Variants in ACACA observed in about 807,000 individuals in gnomAD.
ACACA encodes the protein acetyl-CoA carboxylase 1.
A neutral mutation model predicts 296.1 loss-of-function variants in ACACA; 103 were observed. The observed-to-expected ratio is 0.35, with a 90% CI of 0.30 to 0.41. The LOEUF is 0.41. Ranked by LOEUF, ACACA falls within the 10% of genes least tolerant of loss-of-function variation. The pLI is 1.00. For missense variants in ACACA, 1,554 were observed against 2,989.7 expected (o/e 0.52, Z 11.20); for synonymous variants, 953 against 1,038.6 (o/e 0.92, Z 1.58).
At chr17:37,315,905 C>G (rs1035538002) in intron 3 of ACACA, among the ~76,000 whole-genome samples, 2 of 152,108 alleles carry the variant, frequency 1.3e-5, no homozygotes, top group African/African-American at 4.8e-5. Context: ...GCCCCTTGCC[C>G]CTCCCTGGAG....
chr17:37,263,922 A>AG (rs1567906030), intron 10 of ACACA, 28 bp from the exon 11 acceptor site: 1 of 1,588,122 alleles, frequency 6.3e-7, no homozygotes, highest in Non-Finnish European at 8.6e-7. Flanking sequence ...GAAAAAAAAA[A>AG]CCAATTCTTA....
rs746922081 is a variant in ACACA at position 37,299,332 on chromosome 17, T to C, written c.339-14362A>G. The C allele has an allele frequency of 1.6e-5, 26 of 1,613,916 alleles. No homozygotes were observed. The South Asian group carries it at 2.5e-4, about 16-fold the overall frequency. ...TTATTTTCCTCTGGAGAACCCTCCATATCAAGATGGGAAAAGAATGGAAGC... is the reference window on the plus strand; with the variant it reads ...TTATTTTCCTCTGGAGAACCCTCCACATCAAGATGGGAAAAGAATGGAAGC... On this transcript the variant is annotated intron_variant, in intron 3 of 55. Coordinates refer to ENST00000616317, the MANE Select transcript of ACACA (RefSeq NM_198834.3).
At chr17:37,394,081 G>A (rs375922814) in intron 1 of ACACA, among the ~76,000 whole-genome samples, 2 of 152,148 alleles carry the variant, frequency 1.3e-5, no homozygotes, top group Non-Finnish European at 2.9e-5. Flanking sequence ...ATGTGGATCT[G>A]CAGATCACTT....
chr17:37,199,924 C>A (rs560784638), intron 35 of ACACA, among the ~76,000 whole-genome samples: 4 of 151,764 alleles, frequency 2.6e-5, no homozygotes, highest in Admixed American at 2.6e-4. Context: ...ATTATGTTGC[C>A]CAGGCTCATC....
At chr17:37,263,527 G>T (rs551999032) in intron 11 of ACACA, among the ~76,000 whole-genome samples, 158 bp downstream of exon 11, 1 of 152,108 alleles carries the variant, frequency 6.6e-6, no homozygotes, top group African/African-American at 2.4e-5. Context: ...TCTCTTAGTG[G>T]GAGAACAGTA....
chr17:37,112,146 G>A (rs1168586895), intron 51 of ACACA, among the ~76,000 whole-genome samples: 3 of 151,882 alleles, frequency 2.0e-5, no homozygotes, highest in African/African-American at 4.8e-5. Flanking sequence ...ACTAAGCCAG[G>A]CCAAGTAGGA....
chr17:37,332,980 G>T (rs2030314), intron 2 of ACACA, among the ~76,000 whole-genome samples: 1 of 151,252 alleles, frequency 6.6e-6, no homozygotes, highest in Non-Finnish European at 1.5e-5. Context: ...GACTGATCCC[G>T]ACCTCAACTT....
Position 37,245,133 on chromosome 17 carries a change from G to T in ACACA, c.2542C>A (p.Pro848Thr). 1 of 1,614,098 alleles carries T rather than the reference G, an allele frequency of 6.2e-7. No individual in the cohort carries two copies. The highest frequency in any genetic ancestry group is 8.5e-7 in the Non-Finnish European group (1 of 1,180,002). The change falls in exon 20 of 56, where the codon CCT becomes ACT. Residue 848 changes from proline to threonine, a missense_variant. Coordinates refer to ENST00000616317, the MANE Select transcript of ACACA (RefSeq NM_198834.3). The part of the protein sequence containing the change: ...YVKRPGAALD[P>T]GCVLAKMQLD... ...TGCATTTTGGCTAGTACACAGCCAG[G>T]GTCAAGAGCTGCTCCAGGTCGCTTG...
At chr17:37,387,380 A>G (rs1179132839) in intron 1 of ACACA, 1 of 151,794 alleles carries the variant, frequency 6.6e-6, no homozygotes, top group Admixed American at 6.6e-5. Flanking sequence ...AGCCTCCCAA[A>G]GTGATGGGAT....
chr17:37,249,905 A>G (rs996022420), intron 16 of ACACA, among the ~76,000 whole-genome samples: 1 of 152,198 alleles, frequency 6.6e-6, no homozygotes, highest in Non-Finnish European at 1.5e-5. Flanking sequence ...CGGTTCCCCC[A>G]TACTGTTCTC....
rs181294842 is a variant in ACACA, at chr17:37,336,326, C to T, written c.85+3478G>A. Among the ~76,000 whole-genome samples the T allele has an allele frequency of 1.4e-3, 206 of 152,236 alleles. 1 individual carries two copies. The highest frequency in any genetic ancestry group is 2.2e-3 in the Non-Finnish European group (147 of 68,016). On this transcript the variant is annotated intron_variant, in intron 2 of 55. Transcript: ENST00000616317. ...GGTTGTTGGCCAACCTCCCCAACAGCAGTTGGGTTTTCCTGTTGAGAGGGG... is the reference window on the plus strand; with the variant it reads ...GGTTGTTGGCCAACCTCCCCAACAGTAGTTGGGTTTTCCTGTTGAGAGGGG...
chr17:37,342,423 AAAAAAAAAAAAAAAT>A (rs1156773805), intron 1 of ACACA, among the ~76,000 whole-genome samples: 4 of 125,022 alleles, frequency 3.2e-5, no homozygotes, highest in Admixed American at 8.4e-5. Context: ...AAAAAAAAAA[AAAAAAAAAAAAAAAT>A]ATATATATAT....
At chr17:37,353,596 G>A (rs533278180) in intron 1 of ACACA, among the ~76,000 whole-genome samples, 16 of 117,384 alleles carry the variant, frequency 1.4e-4, no homozygotes, top group Non-Finnish European at 2.3e-4. Flanking sequence ...CTGAGATCAC[G>A]TCACTGTACT....
intron 45 of ACACA, among the ~76,000 whole-genome samples, chr17:37,133,185 G>A (rs1319302793): frequency 6.6e-6 from 1 of 152,136 alleles, no homozygotes; most frequent in Non-Finnish European, 1.5e-5. Flanking sequence ...GAGATGGGGG[G>A]TAGGGTGGGG....
At chr17:37,122,669 C>G (rs186301768) in intron 48 of ACACA, 42 bp from the exon 49 acceptor site, 2 of 1,514,618 alleles carry the variant, frequency 1.3e-6, no homozygotes, top group East Asian at 4.5e-5. Flanking sequence ...TGTATGTCAA[C>G]ATTATAGCTA....
At chr17:37,287,070 C>G (rs1325676103) in intron 3 of ACACA, among the ~76,000 whole-genome samples, 1 of 152,146 alleles carries the variant, frequency 6.6e-6, no homozygotes, top group Non-Finnish European at 1.5e-5. Context: ...CTGATAGACC[C>G]TCCAAAAGAG....
chr17:37,256,545 C>A (rs1171286182), intron 14 of ACACA, among the ~76,000 whole-genome samples: 2 of 152,134 alleles, frequency 1.3e-5, no homozygotes, highest in East Asian at 3.8e-4. Context: ...CTAGCCTGGG[C>A]AACAAAGGGA....
Position 37,270,823 on chromosome 17 carries a change from G to A in ACACA, c.1047C>T (p.Ala349=). The change falls in exon 10 of 56, where the codon GCC becomes GCT. Residue 349 remains alanine (A), a synonymous_variant. Coordinates refer to ENST00000616317, the MANE Select transcript of ACACA (RefSeq NM_198834.3). ...TTCCCTTCCCTCCTCCTCCCTCTGAGGCCTTGATCATTACTGGATATCCAA... is the reference window on the plus strand; with the variant it reads ...TTCCCTTCCCTCCTCCTCCCTCTGAAGCCTTGATCATTACTGGATATCCAA... ...EEVGYPVMIK[A]SEGGGGKGIR... 6.2e-7 allele frequency: 1 copy of A among 1,613,648 alleles called. No homozygotes were observed. Among genetic ancestry groups the A allele is most frequent in the Non-Finnish European group, 8.5e-7 (1 of 1,179,910 alleles).
In ACACA at chr17:37,365,066, G is replaced by A. The variant is rs144869242; in HGVS notation, c.39-25216C>T. On this transcript the variant is annotated intron_variant, in intron 1 of 55. Transcript: ENST00000616317. ...CAGATCACTGCAACCTCCGCCTCCC[G>A]GGTTCAAGTGATTCTCCTGCCTCAG... Among the ~76,000 whole-genome samples the A allele has an allele frequency of 6.6e-3, 997 of 152,106 alleles. 12 individuals are homozygous for A. Among genetic ancestry groups the A allele is most frequent in the African/African-American group, 0.023 (939 of 41,496 alleles).
Sources: allele counts gnomAD v4.1 joint callset (sites outside exome capture counted in the v4.1 genomes callset), GRCh38; gene constraint gnomAD v4.1.1; transcripts MANE v1.5; gene names NCBI Gene and HGNC (gene_info 2026-07-23, HGNC 2026-07-21).